MRLN: variants seen among roughly 807,000 people sequenced by gnomAD.
The protein encoded by MRLN is myoregulin.
At chr10:59,748,729 G>C (rs1200779309) in intron 1 of MRLN, among the ~76,000 whole-genome samples, 1 of 152,190 alleles carries the variant, frequency 6.6e-6, no homozygotes, top group African/African-American at 2.4e-5. Context: ...TCCAAAGCTA[G>C]TGCTACAATT....
intron 1 of MRLN, among the ~76,000 whole-genome samples, chr10:59,752,625 G>C (rs1242612554): frequency 6.6e-6 from 1 of 152,180 alleles, no homozygotes; most frequent in Non-Finnish European, 1.5e-5. Context: ...AAAGCAGAAA[G>C]CTATATTAGT....
chr10:59,752,599 T>C (rs762938865), intron 1 of MRLN, among the ~76,000 whole-genome samples: 6 of 152,192 alleles, frequency 3.9e-5, no homozygotes, highest in Non-Finnish European at 5.9e-5. Context: ...TGTTCAAGAA[T>C]TGAACATACA....
At chr10:59,739,629 G>C (rs1436115437) in intron 1 of MRLN, 1 of 152,178 alleles carries the variant, frequency 6.6e-6, no homozygotes, top group Admixed American at 6.5e-5. Flanking sequence ...AGGGCCAACT[G>C]TATTATGTTT....
chr10:59,752,940 C>T (rs1274090141), intron 1 of MRLN, among the ~76,000 whole-genome samples: 1 of 152,208 alleles, frequency 6.6e-6, no homozygotes. Flanking sequence ...CTCCTCCCCC[C>T]AATCCCCTAC....
rs1186019034 is a variant in MRLN, at chr10:59,738,488, C to G, written c.-50G>C. On this transcript the variant is annotated 5_prime_UTR_variant, in exon 2 of 3. Coordinates refer to ENST00000414264, the MANE Select transcript of MRLN (RefSeq NM_001304731.2). Reference sequence around the variant, plus strand: ...ATTAATCCCAGGTAGTGGTAGGTAACACGGCTTCTCAGTTTTCTGCTCTTG... The same window carrying G: ...ATTAATCCCAGGTAGTGGTAGGTAAGACGGCTTCTCAGTTTTCTGCTCTTG... The G allele has an allele frequency of 6.6e-6, 1 of 152,168 alleles. No individual in the cohort carries two copies. The highest frequency in any genetic ancestry group is 1.5e-5 in the Non-Finnish European group (1 of 68,042). The allele number at this position is 152,168 out of a possible 1,614,324, so 9.4% of individuals were successfully genotyped here. A position where few individuals can be genotyped will look rare whatever the true frequency, so the allele number is the denominator to read the frequency against.
intron 1 of MRLN, among the ~76,000 whole-genome samples, chr10:59,741,226 A>G (rs1425487297): frequency 6.6e-6 from 1 of 152,112 alleles, no homozygotes; most frequent in Non-Finnish European, 1.5e-5. Context: ...AGGCCTTCAA[A>G]TTCACTCACC....
Position 59,737,024 on chromosome 10 carries a change from TCA to T in MRLN, c.*34_*35del. 1 of 392,084 alleles carries T rather than the reference TCA, an allele frequency of 2.6e-6. No individual in the cohort carries two copies. The allele number at this position is 392,084 out of a possible 1,614,324, so 24.3% of individuals were successfully genotyped here. A position where few individuals can be genotyped will look rare whatever the true frequency, so the allele number is the denominator to read the frequency against. On this transcript the variant is annotated 3_prime_UTR_variant, in exon 3 of 3. Transcript: ENST00000414264. ...AATACAAATTTTTATTCACTGTAATTCAGTTTGAAATGTACATGGAAAGGAAG... is the reference window on the plus strand; with the variant it reads ...AATACAAATTTTTATTCACTGTAATTGTTTGAAATGTACATGGAAAGGAAG...
At chr10:59,739,286 C>G (rs1231816540) in intron 1 of MRLN, 1 of 152,100 alleles carries the variant, frequency 6.6e-6, no homozygotes, top group Non-Finnish European at 1.5e-5. Context: ...ACAGTCATCC[C>G]TCAGTACCCA....
intron 1 of MRLN, among the ~76,000 whole-genome samples, chr10:59,742,653 TCCTTCCTTCCTTC>T (rs201355455): frequency 0.018 from 2,716 of 152,086 alleles, 32 homozygotes; most frequent in Middle Eastern, 0.1. Flanking sequence ...TTTATTTCCT[TCCTTCCTTCCTTC>T]CCTTCCTTCC....
In MRLN at chr10:59,753,426, G is replaced by A. The variant is rs150128274; in HGVS notation, c.-197C>T. 67 of 152,282 alleles carry A rather than the reference G, an allele frequency of 4.4e-4. No individual in the cohort carries two copies. Among genetic ancestry groups the A allele is most frequent in the African/African-American group, 1.5e-3 (62 of 41,554 alleles). 9.4% of individuals were successfully genotyped at this position (152,282 alleles called of 1,614,324 possible). On this transcript the variant is annotated 5_prime_UTR_variant, in exon 1 of 3. Coordinates refer to ENST00000414264, the MANE Select transcript of MRLN (RefSeq NM_001304731.2). ...TCTCTTTTATGAAAAACACCATATG[G>A]TCTTGGTGGATCAGGAGGCTCACTG...
intron 1 of MRLN, among the ~76,000 whole-genome samples, chr10:59,752,560 A>G (rs984242344): frequency 6.6e-6 from 1 of 152,188 alleles, no homozygotes; most frequent in Admixed American, 6.5e-5. Context: ...TGCTTCCCTT[A>G]CACATTTTAT....
intron 1 of MRLN, among the ~76,000 whole-genome samples, chr10:59,745,527 C>G (rs1405636317): frequency 7.7e-6 from 1 of 129,192 alleles, no homozygotes; most frequent in Non-Finnish European, 1.6e-5. Context: ...ACACCTCTGC[C>G]TTTCTTTTCC....
At chr10:59,740,910 G>T (rs1211252722) in intron 1 of MRLN, among the ~76,000 whole-genome samples, 1 of 151,390 alleles carries the variant, frequency 6.6e-6, no homozygotes, top group Non-Finnish European at 1.5e-5. Flanking sequence ...CAATTCTCCT[G>T]CCTCAGCCTC....
At chr10:59,748,080 C>A (rs1321384877) in intron 1 of MRLN, among the ~76,000 whole-genome samples, 1 of 147,616 alleles carries the variant, frequency 6.8e-6, no homozygotes, top group Non-Finnish European at 1.5e-5. Flanking sequence ...CTTATTAATG[C>A]TTTTTCTTTT....
chr10:59,749,500 C>T (rs1291605742), intron 1 of MRLN, among the ~76,000 whole-genome samples: 2 of 152,168 alleles, frequency 1.3e-5, no homozygotes, highest in Non-Finnish European at 2.9e-5. Context: ...TGGAGATCAG[C>T]TTGGCCAACA....
Position 59,740,859 on chromosome 10 carries a change from G to A in MRLN, c.-124-2297C>T, listed in dbSNP as rs541275996. Among the ~76,000 whole-genome samples the A allele has an allele frequency of 3.4e-5, 5 of 148,996 alleles. No individual in the cohort carries two copies. The South Asian group carries it at 8.4e-4, about 25-fold the overall frequency. ...ATCGCCCAGGCTGGAGTGCAATGGCGCGATCTCAGCACACTGCAACCTCTT... is the reference window on the plus strand; with the variant it reads ...ATCGCCCAGGCTGGAGTGCAATGGCACGATCTCAGCACACTGCAACCTCTT... On this transcript the variant is annotated intron_variant, in intron 1 of 2. Transcript: ENST00000414264.
intron 1 of MRLN, among the ~76,000 whole-genome samples, chr10:59,753,049 G>A (rs1376617823): frequency 1.3e-5 from 2 of 152,162 alleles, no homozygotes; most frequent in Non-Finnish European, 1.5e-5. Flanking sequence ...ACAGGTCTTG[G>A]TCAAGTAGTT....
intron 1 of MRLN, among the ~76,000 whole-genome samples, chr10:59,750,922 C>T (rs1841096669): frequency 6.6e-6 from 1 of 152,196 alleles, no homozygotes; most frequent in Admixed American, 6.5e-5. Context: ...TGTTTTTTGA[C>T]CTGCAGAACT....
intron 1 of MRLN, 177 bp from the exon 2 acceptor site, chr10:59,738,739 G>T (rs1269956865): frequency 6.6e-6 from 1 of 152,220 alleles, no homozygotes; most frequent in Non-Finnish European, 1.5e-5. Flanking sequence ...TCCCAGAATT[G>T]TAGAGCTTAA....
Sources: gnomAD v4.1 joint callset for allele counts (sites outside exome capture counted in the v4.1 genomes callset) on GRCh38, gnomAD v4.1.1 for gene constraint, MANE v1.5 for transcripts, NCBI Gene and HGNC (gene_info 2026-07-23, HGNC 2026-07-21) for gene names.